The following ADAM32 variants were observed in gnomAD, a reference collection of about 807,000 sequenced individuals.
The protein encoded by ADAM32 is disintegrin and metalloproteinase domain-containing protein 32.
ADAM32 carries 89 observed loss-of-function variants against 114.9 expected under a neutral mutation model. The observed-to-expected ratio is 0.77, with a 90% CI of 0.65 to 0.92. The LOEUF (loss-of-function observed/expected upper bound fraction) is 0.92, where lower values mean the gene tolerates loss of function less well. Ranked by LOEUF, ADAM32 falls within the 40% of genes least tolerant of loss-of-function variation. The pLI is 0.00. For synonymous variants in ADAM32, 285 were observed against 307.5 expected (o/e 0.93, Z 0.77); for missense variants, 870 against 932.8 (o/e 0.93, Z 0.88).
chr8:39,170,622 G>GTA (rs965560128), intron 10 of ADAM32, among the ~76,000 whole-genome samples: 10 of 151,372 alleles, frequency 6.6e-5, no homozygotes, highest in Admixed American at 2.6e-4. Context: ...AATTTGTTGA[G>GTA]TATATATATA....
chr8:39,139,100 A>G (rs933089919), intron 3 of ADAM32, among the ~76,000 whole-genome samples: 1 of 152,152 alleles, frequency 6.6e-6, no homozygotes, highest in Admixed American at 6.6e-5. Context: ...GGTAGATTGC[A>G]AAGATTTTCT....
intron 3 of ADAM32, among the ~76,000 whole-genome samples, chr8:39,140,882 C>T (rs765630362): frequency 3.9e-5 from 6 of 152,004 alleles, no homozygotes; most frequent in Middle Eastern, 3.4e-3. Context: ...TAGTCTTGGG[C>T]GGGTGCACGT....
intron 10 of ADAM32, among the ~76,000 whole-genome samples, chr8:39,180,652 T>C (rs1052064125): frequency 2.0e-5 from 3 of 152,236 alleles, no homozygotes; most frequent in East Asian, 1.9e-4. Flanking sequence ...AATACACCAA[T>C]TGGCACTCTG....
rs1803726417 is a variant in ADAM32, at chr8:39,149,989, A to G, written c.353+122A>G. On this transcript the variant is annotated intron_variant, in intron 5 of 24. Coordinates refer to ENST00000379907, the MANE Select transcript of ADAM32 (RefSeq NM_145004.7). ...TCCTATGTGGAGATTATTTAATGATATCCCCCTCTGAACATGTTTCCAATT... is the reference window on the plus strand; with the variant it reads ...TCCTATGTGGAGATTATTTAATGATGTCCCCCTCTGAACATGTTTCCAATT... 18 of 613,024 alleles carry G rather than the reference A, an allele frequency of 2.9e-5. 1 individual carries two copies. In the South Asian group the frequency reaches 5.1e-4, roughly 17 times the overall value. The allele number at this position is 613,024 out of a possible 1,614,324, so 38.0% of individuals were successfully genotyped here.
intron 10 of ADAM32, among the ~76,000 whole-genome samples, chr8:39,170,884 G>C (rs79490818): frequency 0.027 from 4,060 of 152,140 alleles, 205 homozygotes; most frequent in African/African-American, 0.092. Context: ...GAGATGAAGA[G>C]AAGTTGAGTA....
chr8:39,194,635 G>A (rs1376416128), intron 11 of ADAM32, among the ~76,000 whole-genome samples: 1 of 152,124 alleles, frequency 6.6e-6, no homozygotes, highest in African/African-American at 2.4e-5. Flanking sequence ...AGGTCCCTAG[G>A]AGGTATCCTC....
intron 16 of ADAM32, among the ~76,000 whole-genome samples, chr8:39,244,530 C>CA (rs1319816147): frequency 5.3e-5 from 8 of 152,112 alleles, no homozygotes; most frequent in Admixed American, 2.6e-4. Context: ...ACAAAGCAAA[C>CA]AAAAACATAA....
intron 10 of ADAM32, among the ~76,000 whole-genome samples, chr8:39,178,863 G>A (rs1435228250): frequency 1.3e-5 from 2 of 152,164 alleles, no homozygotes; most frequent in Admixed American, 6.5e-5. Context: ...GGTATCACCA[G>A]TGAAGGCTAG....
intron 11 of ADAM32, among the ~76,000 whole-genome samples, chr8:39,206,222 G>C (rs1186685573): frequency 6.6e-6 from 1 of 152,196 alleles, no homozygotes; most frequent in Non-Finnish European, 1.5e-5. Context: ...GTGAGGTTCT[G>C]CTAAGGACAA....
At chr8:39,138,991 C>A (rs566661794) in intron 3 of ADAM32, among the ~76,000 whole-genome samples, 1 of 152,182 alleles carries the variant, frequency 6.6e-6, no homozygotes, top group Non-Finnish European at 1.5e-5. Context: ...ATTGTCTGTT[C>A]ATATCCTTTG....
chr8:39,176,700 G>A (rs1805551093), intron 10 of ADAM32, among the ~76,000 whole-genome samples: 1 of 152,148 alleles, frequency 6.6e-6, no homozygotes, highest in South Asian at 2.1e-4. Context: ...TATCTATCAG[G>A]TCCACTTGAT....
intron 3 of ADAM32, among the ~76,000 whole-genome samples, chr8:39,137,894 G>T (rs1048688562): frequency 3.3e-5 from 5 of 152,106 alleles, no homozygotes; most frequent in Non-Finnish European, 7.4e-5. Flanking sequence ...GGATGATAAC[G>T]CAAAGATCTT....
chr8:39,184,786 T>A (rs2129447075), intron 10 of ADAM32, among the ~76,000 whole-genome samples: 1 of 152,346 alleles, frequency 6.6e-6, no homozygotes, highest in East Asian at 1.9e-4. Context: ...ACCTAGAATG[T>A]CAAGAAAATC....
intron 12 of ADAM32, among the ~76,000 whole-genome samples, chr8:39,217,476 C>G (rs1157882908): frequency 6.6e-6 from 1 of 151,940 alleles, no homozygotes; most frequent in Non-Finnish European, 1.5e-5. Context: ...TCTACCTCCT[C>G]TTTAAGGCCA....
chr8:39,277,264 G>A (rs1054710287), intron 22 of ADAM32, among the ~76,000 whole-genome samples: 2 of 152,184 alleles, frequency 1.3e-5, no homozygotes, highest in East Asian at 1.9e-4. Context: ...AATAGACATC[G>A]TTTAATTTGC....
chr8:39,216,202 T>G (rs528699562), intron 12 of ADAM32, among the ~76,000 whole-genome samples: 1 of 152,198 alleles, frequency 6.6e-6, no homozygotes, highest in South Asian at 2.1e-4. Context: ...TTTTGTCGGA[T>G]ATGAGTCTAG....
chr8:39,111,002 C>T (rs1840133420), intron 1 of ADAM32, among the ~76,000 whole-genome samples: 1 of 152,178 alleles, frequency 6.6e-6, no homozygotes, highest in Non-Finnish European at 1.5e-5. Context: ...CAAAATATGA[C>T]CTTTTTTGTC....
chr8:39,181,301 A>G (rs964397727), intron 10 of ADAM32, among the ~76,000 whole-genome samples: 1 of 152,222 alleles, frequency 6.6e-6, no homozygotes, highest in South Asian at 2.1e-4. Context: ...GGAGGAACGA[A>G]CAACTCCAGA....
intron 11 of ADAM32, among the ~76,000 whole-genome samples, chr8:39,193,410 T>C (rs934432821): frequency 6.6e-6 from 1 of 152,236 alleles, no homozygotes; most frequent in African/African-American, 2.4e-5. Context: ...ATCATTTTAT[T>C]GTGATTCTTA....
Sources: gnomAD v4.1 joint callset for allele counts (sites outside exome capture counted in the v4.1 genomes callset) on GRCh38, gnomAD v4.1.1 for gene constraint, MANE v1.5 for transcripts, NCBI Gene and HGNC (gene_info 2026-07-23, HGNC 2026-07-21) for gene names.